Variants in RASA3 observed in about 807,000 individuals in gnomAD.
RASA3 encodes ras GTPase-activating protein 3.
RASA3 carries 73 observed loss-of-function variants against 110.0 expected under a neutral mutation model. That is an observed-to-expected ratio of 0.66 (90% confidence interval 0.55 to 0.81). The LOEUF is 0.81. Among genes scored for constraint, RASA3 ranks in the 30% least tolerant of loss-of-function variants. The probability of loss-of-function intolerance (pLI) is 0.00; values close to 1 mark genes in which losing one functional copy is unlikely to be tolerated. For synonymous variants in RASA3, 500 were observed against 451.4 expected (o/e 1.11, Z -1.37); for missense variants, 976 against 1,113.2 (o/e 0.88, Z 1.75).
intron 1 of RASA3, chr13:114,078,034 T>C: frequency 1.0e-6 from 1 of 975,556 alleles, no homozygotes; most frequent in African/African-American, 1.8e-5. Context: ...CTGGTTGCTA[T>C]GACGACAGCA....
chr13:114,007,532 C>A lies in RASA3; in HGVS notation c.1742+1G>T. Reference sequence around the variant, plus strand: ...GCCAGACGCCACCTTACCCTCCTTACCCTTCTTTAAGCACGATGGGCTGCT... The same window carrying A: ...GCCAGACGCCACCTTACCCTCCTTAACCTTCTTTAAGCACGATGGGCTGCT... On this transcript the variant is annotated splice_donor_variant, in intron 18 of 23. Transcript: ENST00000334062. LOFTEE classifies it high-confidence loss of function. 2 of 1,611,960 alleles carry A rather than the reference C, an allele frequency of 1.2e-6. No individual in the cohort carries two copies. The highest frequency in any genetic ancestry group is 1.7e-6 in the Non-Finnish European group (2 of 1,178,502).
At chr13:114,059,740 A>C (rs575846536) in intron 2 of RASA3, among the ~76,000 whole-genome samples, 43 of 152,234 alleles carry the variant, frequency 2.8e-4, no homozygotes, top group Non-Finnish European at 5.0e-4. Context: ...CACCAGGACC[A>C]AACAACGGGG....
intron 22 of RASA3, among the ~76,000 whole-genome samples, chr13:113,982,884 C>T (rs532990551): frequency 2.2e-4 from 34 of 152,340 alleles, no homozygotes; most frequent in African/African-American, 8.2e-4. Context: ...AGAGGACCCG[C>T]AGTTAAACCA....
intron 2 of RASA3, among the ~76,000 whole-genome samples, chr13:114,060,078 C>T (rs747236241): frequency 1.1e-4 from 17 of 152,228 alleles, no homozygotes; most frequent in Non-Finnish European, 1.3e-4. Context: ...AGGCCATGGA[C>T]GGCGCGGAGA....
chr13:114,053,010 C>A (rs371279263), intron 2 of RASA3, among the ~76,000 whole-genome samples: 7 of 73,158 alleles, frequency 9.6e-5, no homozygotes, highest in African/African-American at 1.4e-4. Flanking sequence ...GGGGGAGAGA[C>A]CCCCGCTGCT....
rs1226441322 is a variant in RASA3, at chr13:114,004,349, A to T, written c.1742+3184T>A. On this transcript the variant is annotated intron_variant, in intron 18 of 23. Transcript: ENST00000334062. The stretch of plus-strand genomic sequence containing the variant: ...AGGGGACTAACAGCCACAATTTAGA[A>T]GGAACTCAAACAACTTAACAAAAAA... 4.0e-5 allele frequency among the ~76,000 whole-genome samples: 4 copies of T among 100,722 alleles called. No individual in the cohort carries two copies. In the East Asian group the frequency reaches 1.4e-3, roughly 35 times the overall value. The allele number at this position is 100,722 out of a possible 152,430, so 66.1% of individuals were successfully genotyped here.
intron 21 of RASA3, among the ~76,000 whole-genome samples, chr13:113,995,297 A>C (rs1411181839): frequency 6.6e-6 from 1 of 152,118 alleles, no homozygotes; most frequent in Non-Finnish European, 1.5e-5. Context: ...CTCCTGGGGG[A>C]TTCTGGGGCG....
In RASA3 at chr13:114,014,034, G is replaced by A. The variant is rs537991181; in HGVS notation, c.1406-786C>T. Among the ~76,000 whole-genome samples the A allele has an allele frequency of 0.018, 1,029 of 57,728 alleles. 40 individuals carry two copies. Among genetic ancestry groups the A allele is most frequent in the African/African-American group, 0.061 (952 of 15,656 alleles). The allele number at this position is 57,728 out of a possible 152,430, so 37.9% of individuals were successfully genotyped here. Reference sequence around the variant, plus strand: ...TGTCTCTCTCCATCTCTCTCTCTCCGTCTCTATCTCTCTCTCCGTCTGTCT... The same window carrying A: ...TGTCTCTCTCCATCTCTCTCTCTCCATCTCTATCTCTCTCTCCGTCTGTCT... On this transcript the variant is annotated intron_variant, in intron 14 of 23. Transcript: ENST00000334062. This position sits in a 1 kb window ranked among gnomAD's most constrained non-coding sequence, Gnocchi z 4.5.
chr13:114,015,365 C>T (rs199764655), intron 13 of RASA3, 33 bp from the exon 14 acceptor site: 18 of 1,609,466 alleles, frequency 1.1e-5, no homozygotes, highest in African/African-American at 5.3e-5. Context: ...GACCCACTCC[C>T]GAGGCTGCCC....
At chr13:114,015,802 G>A (rs1039630900) in intron 13 of RASA3, among the ~76,000 whole-genome samples, 4 of 152,182 alleles carry the variant, frequency 2.6e-5, no homozygotes, top group Non-Finnish European at 4.4e-5. Context: ...CTAGGAAAAG[G>A]GAGGGGCAGG....
chr13:114,070,142 C>T (rs1447815749), intron 2 of RASA3, among the ~76,000 whole-genome samples: 6 of 67,134 alleles, frequency 8.9e-5, no homozygotes, highest in Admixed American at 2.1e-4. Flanking sequence ...GAGACTCAGG[C>T]GGCCGGGAGA....
chr13:114,016,276 G>C lies in RASA3; in HGVS notation c.1207-5C>G, dbSNP rs766027769. ...GGGTTTGTGGCTCTGGCATATCTGG[G>C]GAGAGGTTTAAGACAGGGCTCTGTG... is the stretch of plus-strand genomic sequence containing the variant. On this transcript the variant is annotated splice_polypyrimidine_tract_variant and splice_region_variant and intron_variant, in intron 12 of 23. Transcript: ENST00000334062. 7 of 1,581,516 alleles carry C rather than the reference G, an allele frequency of 4.4e-6. No homozygotes were observed. In the African/African-American group the frequency reaches 9.4e-5, roughly 21 times the overall value.
chr13:114,007,661 G>T (rs555455689), intron 17 of RASA3, 55 bp from the exon 18 acceptor site: 11 of 1,411,204 alleles, frequency 7.8e-6, no homozygotes, highest in Admixed American at 1.7e-5. Flanking sequence ...TGACGTGCAC[G>T]GCTCTCTGTA....
Position 114,027,443 on chromosome 13 carries a change from C to G in RASA3, c.549G>C (p.Thr183=). Residue 183 remains threonine (T), a synonymous_variant, in exon 7 of 24, where the codon ACG becomes ACC. Transcript: ENST00000334062. ...GATTGTTGGTCTTCCTCTTCACTTT[C>G]GTCTTCTTTGCTTCTGATCTGTTAT... ...AGPFRSEAKK[T]KVKRKTNNPQ... 1 of 1,612,858 alleles carries G rather than the reference C, an allele frequency of 6.2e-7. No homozygotes were observed. Among genetic ancestry groups the G allele is most frequent in the Non-Finnish European group, 8.5e-7 (1 of 1,178,928 alleles).
intron 1 of RASA3, among the ~76,000 whole-genome samples, chr13:114,076,282 G>A (rs865806311): frequency 4.6e-5 from 7 of 152,172 alleles, no homozygotes; most frequent in South Asian, 2.1e-4. Context: ...TCGGTTGGTG[G>A]GAAAAAATGA....
intron 23 of RASA3, among the ~76,000 whole-genome samples, chr13:113,979,759 G>A (rs147225932): frequency 6.6e-6 from 1 of 152,256 alleles, no homozygotes; most frequent in East Asian, 1.9e-4. Context: ...GCTCATGTGT[G>A]GGGAGCATGA....
At chr13:113,994,908 AG>A (rs2053197369) in intron 21 of RASA3, among the ~76,000 whole-genome samples, 2 of 152,218 alleles carry the variant, frequency 1.3e-5, no homozygotes, top group African/African-American at 4.8e-5. Context: ...TAGGAGGTCG[AG>A]GCTGCAGTGA....
intron 14 of RASA3, among the ~76,000 whole-genome samples, chr13:114,013,811 T>C (rs1453693585): frequency 6.7e-6 from 1 of 148,504 alleles, no homozygotes; most frequent in Middle Eastern, 3.6e-3. Flanking sequence ...CATCTCTCTC[T>C]CCCCGTCTCT....
At chr13:114,016,673 A>C (rs932473475) in intron 12 of RASA3, among the ~76,000 whole-genome samples, 2 of 152,262 alleles carry the variant, frequency 1.3e-5, no homozygotes, top group Non-Finnish European at 2.9e-5. Context: ...GCCCACACGG[A>C]CTAGGCCTCA....
Sources: allele counts gnomAD v4.1 joint callset (sites outside exome capture counted in the v4.1 genomes callset), GRCh38; gene constraint gnomAD v4.1.1; non-coding constraint Gnocchi (gnomAD v3.1); transcripts MANE v1.5; gene names NCBI Gene and HGNC (gene_info 2026-07-23, HGNC 2026-07-21).